Variants in USH2A observed in about 807,000 individuals in gnomAD.
USH2A encodes Usher syndrome 2A (autosomal recessive, mild).
A neutral mutation model predicts 538.9 loss-of-function variants in USH2A; 443 were observed. The ratio of observed to expected loss-of-function variants is 0.82; its 90% CI spans 0.76 to 0.89. The LOEUF is 0.89. USH2A is among the 40% of genes least tolerant of loss of function. The pLI, the probability that USH2A is intolerant of heterozygous loss-of-function variation, is 0.00. For synonymous variants in USH2A, 2,413 were observed against 2,273.5 expected (o/e 1.06, Z -1.75); for missense variants, 6,633 against 6,324.8 (o/e 1.05, Z -1.65).
At chr1:216,291,546 C>T (rs955580717) in intron 10 of USH2A, among the ~76,000 whole-genome samples, 5 of 152,138 alleles carry the variant, frequency 3.3e-5, no homozygotes, top group African/African-American at 4.8e-5. Context: ...TAAATGGATT[C>T]ATGCTTAAGA....
At chr1:215,816,425 T>C (rs374878114) in intron 48 of USH2A, among the ~76,000 whole-genome samples, 2 of 152,074 alleles carry the variant, frequency 1.3e-5, no homozygotes, top group South Asian at 2.1e-4. Context: ...AATTTAGTAG[T>C]AGCTTTAGCC....
At chr1:216,391,699 T>A (rs2039111117) in intron 3 of USH2A, among the ~76,000 whole-genome samples, 1 of 152,204 alleles carries the variant, frequency 6.6e-6, no homozygotes, top group Non-Finnish European at 1.5e-5. Flanking sequence ...TGTATTGAGT[T>A]TGCATAAACT....
At chr1:216,082,523 T>C (rs1026058224) in intron 26 of USH2A, among the ~76,000 whole-genome samples, 6 of 151,866 alleles carry the variant, frequency 4.0e-5, no homozygotes, top group Non-Finnish European at 7.4e-5. Context: ...CTTGTATTTG[T>C]CTATTTGCCT....
chr1:215,720,726 G>T (rs1659633816), intron 61 of USH2A, among the ~76,000 whole-genome samples: 1 of 152,150 alleles, frequency 6.6e-6, no homozygotes, highest in Admixed American at 6.5e-5. Flanking sequence ...AAAGGTTGTA[G>T]GGTGGACCTC....
At chr1:216,063,712 A>T (rs2031258356) in intron 30 of USH2A, among the ~76,000 whole-genome samples, 1 of 152,212 alleles carries the variant, frequency 6.6e-6, no homozygotes, top group Non-Finnish European at 1.5e-5. Flanking sequence ...TGAAAGATAA[A>T]ACTAAAACTG....
At chr1:215,693,978 G>A (rs1258399488) in intron 61 of USH2A, among the ~76,000 whole-genome samples, 2 of 152,146 alleles carry the variant, frequency 1.3e-5, no homozygotes, top group Non-Finnish European at 2.9e-5. Context: ...TAAAGAAAGG[G>A]CTGCTATGCT....
intron 44 of USH2A, among the ~76,000 whole-genome samples, chr1:215,853,449 A>T (rs1664074899): frequency 6.6e-6 from 1 of 152,164 alleles, no homozygotes; most frequent in African/African-American, 2.4e-5. Flanking sequence ...TGCCCTGGAG[A>T]CATTTTCCCC....
At chr1:216,369,256 A>G (rs553808958) in intron 3 of USH2A, among the ~76,000 whole-genome samples, 2 of 152,276 alleles carry the variant, frequency 1.3e-5, no homozygotes, top group South Asian at 4.1e-4. Flanking sequence ...TGAAAACTCT[A>G]TAAGTTTATT....
At chr1:216,121,841 C>T (rs1361695306) in intron 21 of USH2A, among the ~76,000 whole-genome samples, 1 of 152,132 alleles carries the variant, frequency 6.6e-6, no homozygotes, top group Non-Finnish European at 1.5e-5. Flanking sequence ...GTGGATATTG[C>T]TTTATATTTC....
At chr1:215,843,509 T>C (rs10864210) in intron 46 of USH2A, among the ~76,000 whole-genome samples, 67,101 of 151,890 alleles carry the variant, frequency 0.44, 15,151 homozygotes, top group Admixed American at 0.58. Flanking sequence ...TGAAGAAGTC[T>C]ATGAATTTGA....
At chr1:215,663,737 A>C (rs978942961) in intron 64 of USH2A, among the ~76,000 whole-genome samples, 1 of 152,186 alleles carries the variant, frequency 6.6e-6, no homozygotes, top group African/African-American at 2.4e-5. Context: ...GTGGATGGGT[A>C]ATAATAATAA....
intron 14 of USH2A, among the ~76,000 whole-genome samples, chr1:216,220,217 T>C (rs911302784): frequency 6.6e-6 from 1 of 151,950 alleles, no homozygotes; most frequent in African/African-American, 2.4e-5. Flanking sequence ...CATTTCTCTT[T>C]GTACACCCCT....
chr1:215,672,945 C>G (rs1363627432), intron 63 of USH2A, among the ~76,000 whole-genome samples: 2 of 152,148 alleles, frequency 1.3e-5, no homozygotes, highest in African/African-American at 4.8e-5. Flanking sequence ...CTCTAGAATA[C>G]TTTTTGAATA....
chr1:216,211,940 C>T (rs577666935), intron 15 of USH2A, among the ~76,000 whole-genome samples: 7 of 151,966 alleles, frequency 4.6e-5, no homozygotes, highest in Non-Finnish European at 1.0e-4. Context: ...AAGAACCTTG[C>T]AATTCATGGT....
At chr1:216,097,865 C>T (rs185447835) in intron 21 of USH2A, among the ~76,000 whole-genome samples, 16 of 152,306 alleles carry the variant, frequency 1.1e-4, no homozygotes, top group African/African-American at 2.9e-4. Context: ...ATGATGCCTT[C>T]TCCCTACCAT....
intron 64 of USH2A, among the ~76,000 whole-genome samples, chr1:215,657,132 T>C (rs572109235): frequency 1.3e-5 from 2 of 152,356 alleles, no homozygotes; most frequent in East Asian, 1.9e-4. Flanking sequence ...TTTATGACTT[T>C]GGTTGTTGTT....
intron 30 of USH2A, among the ~76,000 whole-genome samples, chr1:216,067,252 G>T (rs2031406429): frequency 6.6e-6 from 1 of 152,000 alleles, no homozygotes; most frequent in Non-Finnish European, 1.5e-5. Flanking sequence ...CACATATCGG[G>T]GCCTGTCGAG....
intron 55 of USH2A, among the ~76,000 whole-genome samples, chr1:215,769,052 G>A (rs113571621): frequency 2.8e-3 from 422 of 152,158 alleles, no homozygotes; most frequent in African/African-American, 1.0e-2. Context: ...TAATTCCATC[G>A]GTATCCCTGT....
At chr1:215,980,380 A>G (rs1667722802) in intron 35 of USH2A, among the ~76,000 whole-genome samples, 1 of 152,210 alleles carries the variant, frequency 6.6e-6, no homozygotes, top group South Asian at 2.1e-4. Flanking sequence ...TCTACAGTGC[A>G]TACAACTTTA....
Sources: gnomAD v4.1 joint callset for allele counts (sites outside exome capture counted in the v4.1 genomes callset) on GRCh38, gnomAD v4.1.1 for gene constraint, MANE v1.5 for transcripts, NCBI Gene and HGNC (gene_info 2026-07-23, HGNC 2026-07-21) for gene names.